Variants in PRKAG2 observed in about 807,000 individuals in gnomAD.
PRKAG2 encodes the protein protein kinase AMP-activated non-catalytic subunit gamma 2.
In PRKAG2, 26 loss-of-function variants were observed where a neutral mutation model predicts 69.6. The ratio of observed to expected loss-of-function variants is 0.37; its 90% CI spans 0.27 to 0.52. The LOEUF is 0.52. PRKAG2 is among the 20% of genes least tolerant of loss of function. The pLI, the probability that PRKAG2 is intolerant of heterozygous loss-of-function variation, is 0.90. For missense variants in PRKAG2, 557 were observed against 740.0 expected (o/e 0.75, Z 2.87); for synonymous variants, 293 against 285.0 (o/e 1.03, Z -0.28).
intron 1 of PRKAG2, among the ~76,000 whole-genome samples, chr7:151,827,376 T>C (rs2078925741): frequency 6.6e-6 from 1 of 152,098 alleles, no homozygotes; most frequent in East Asian, 1.9e-4. Context: ...GTAGCCAGGA[T>C]TACAGGTGCC....
At chr7:151,759,169 C>G (rs1201278435) in intron 3 of PRKAG2, among the ~76,000 whole-genome samples, 1 of 152,184 alleles carries the variant, frequency 6.6e-6, no homozygotes, top group Admixed American at 6.5e-5. Context: ...GACCAGCTCC[C>G]TGCAGGCTCA....
chr7:151,826,702 G>A (rs981651130), intron 1 of PRKAG2, among the ~76,000 whole-genome samples: 3 of 152,316 alleles, frequency 2.0e-5, no homozygotes, highest in East Asian at 1.9e-4. Context: ...AATACTAGAC[G>A]TGATACATCC....
chr7:151,597,071 TA>T (rs1296968760), intron 5 of PRKAG2, among the ~76,000 whole-genome samples: 2 of 152,166 alleles, frequency 1.3e-5, no homozygotes, highest in Non-Finnish European at 2.9e-5. Flanking sequence ...GAAGCTGGCA[TA>T]AAAACAGACA....
intron 3 of PRKAG2, among the ~76,000 whole-genome samples, chr7:151,706,623 T>C (rs970804741): frequency 5.9e-5 from 9 of 152,170 alleles, no homozygotes; most frequent in African/African-American, 2.2e-4. Flanking sequence ...ATGCAAATGA[T>C]GGTTTTTATA....
chr7:151,773,015 AAGAAAGAAAG>A (rs1440631199), intron 3 of PRKAG2, among the ~76,000 whole-genome samples: 172 of 18,836 alleles, frequency 9.1e-3, no homozygotes, highest in African/African-American at 0.06. Context: ...GAAAGAAAGA[AAGAAAGAAAG>A]AGAGAGAGAG....
At chr7:151,705,334 T>C (rs561856721) in intron 3 of PRKAG2, among the ~76,000 whole-genome samples, 1 of 151,132 alleles carries the variant, frequency 6.6e-6, no homozygotes, top group South Asian at 2.1e-4. Context: ...GTGTTTTTTC[T>C]CTTTTCTCAA....
intron 5 of PRKAG2, among the ~76,000 whole-genome samples, chr7:151,624,977 G>GTGACAAATGTTTAC (rs1822506901): frequency 6.6e-6 from 1 of 152,156 alleles, no homozygotes. Flanking sequence ...GTTCATTTGT[G>GTGACAAATGTTTAC]TGACAAATGT....
chr7:151,603,963 A>T (rs547131190), intron 5 of PRKAG2, among the ~76,000 whole-genome samples: 13 of 148,164 alleles, frequency 8.8e-5, no homozygotes, highest in Admixed American at 2.7e-4. Context: ...GTATAATCCA[A>T]TCCTAGGTTA....
intron 4 of PRKAG2, among the ~76,000 whole-genome samples, chr7:151,650,245 A>G (rs1828260769): frequency 1.3e-5 from 2 of 151,344 alleles, no homozygotes; most frequent in Non-Finnish European, 2.9e-5. Context: ...AAAAATGGTA[A>G]TGGTTGACTA....
intron 3 of PRKAG2, among the ~76,000 whole-genome samples, chr7:151,775,568 A>G (rs577365444): frequency 1.2e-4 from 18 of 152,356 alleles, no homozygotes; most frequent in Non-Finnish European, 1.6e-4. Flanking sequence ...CTGGATTCAG[A>G]AAGGCTGGAA....
intron 6 of PRKAG2, among the ~76,000 whole-genome samples, chr7:151,590,451 C>G (rs79065800): frequency 1.3e-5 from 2 of 152,188 alleles, no homozygotes; most frequent in Non-Finnish European, 2.9e-5. Flanking sequence ...GGAGTGGGAC[C>G]CTGGCACCGG....
At chr7:151,602,464 C>T (rs1816346847) in intron 5 of PRKAG2, among the ~76,000 whole-genome samples, 1 of 152,096 alleles carries the variant, frequency 6.6e-6, no homozygotes, top group South Asian at 2.1e-4. Flanking sequence ...CAGGAATGTT[C>T]AAACTTACAG....
intron 3 of PRKAG2, among the ~76,000 whole-genome samples, chr7:151,774,344 C>T (rs569258790): frequency 1.7e-4 from 26 of 152,258 alleles, no homozygotes; most frequent in African/African-American, 6.3e-4. Context: ...TTGCTGGTCC[C>T]AAGATCAGCT....
At chr7:151,800,833 T>C (rs1465943638) in intron 1 of PRKAG2, among the ~76,000 whole-genome samples, 1 of 152,026 alleles carries the variant, frequency 6.6e-6, no homozygotes, top group East Asian at 1.9e-4. Flanking sequence ...ATGTCAGCTA[T>C]GGACTTCGGT....
chr7:151,828,354 T>C lies in PRKAG2; in HGVS notation c.115-41813A>G, dbSNP rs1196526184. Among the ~76,000 whole-genome samples the C allele has an allele frequency of 1.3e-5, 2 of 152,230 alleles. No homozygotes were observed. The highest frequency in any genetic ancestry group is 3.8e-4 in the East Asian group (2 of 5,196). On this transcript the variant is annotated intron_variant, in intron 1 of 15. Transcript: ENST00000287878. This position sits in a 1 kb window ranked among gnomAD's most constrained non-coding sequence, Gnocchi z 4.6. Reference sequence around the variant, plus strand: ...TCTCCCCGGATTCAGGTCTATGTTGTATTCATCTCTGCACAGTTCCTGATA... The same window carrying C: ...TCTCCCCGGATTCAGGTCTATGTTGCATTCATCTCTGCACAGTTCCTGATA...
chr7:151,625,557 AG>A (rs1383871984), intron 5 of PRKAG2, among the ~76,000 whole-genome samples: 3 of 152,122 alleles, frequency 2.0e-5, no homozygotes, highest in Non-Finnish European at 4.4e-5. Flanking sequence ...AATTAATTGG[AG>A]GGGGCAGAGC....
chr7:151,662,476 T>G (rs1830466967), intron 4 of PRKAG2, among the ~76,000 whole-genome samples: 1 of 152,210 alleles, frequency 6.6e-6, no homozygotes, highest in Non-Finnish European at 1.5e-5. Context: ...AATTCCTTCC[T>G]CTGAATCTCC....
intron 1 of PRKAG2, among the ~76,000 whole-genome samples, chr7:151,863,329 C>T (rs549742444): frequency 2.0e-4 from 31 of 152,136 alleles, no homozygotes; most frequent in Middle Eastern, 3.4e-3. Flanking sequence ...CCTCACCCGA[C>T]GGGATCCGCC....
intron 5 of PRKAG2, among the ~76,000 whole-genome samples, chr7:151,608,524 G>A (rs1436466658): frequency 2.6e-5 from 4 of 152,112 alleles, no homozygotes; most frequent in Non-Finnish European, 1.5e-5. Context: ...CTATAATCCA[G>A]GCCCCTGGAA....
Sources: allele counts gnomAD v4.1 joint callset (sites outside exome capture counted in the v4.1 genomes callset), GRCh38; gene constraint gnomAD v4.1.1; non-coding constraint Gnocchi (gnomAD v3.1); transcripts MANE v1.5; gene names NCBI Gene and HGNC (gene_info 2026-07-23, HGNC 2026-07-21).